UIMC1: variants seen among roughly 807,000 people sequenced by gnomAD.
UIMC1 encodes the protein BRCA1-A complex subunit RAP80.
Under a neutral mutation model 84.9 loss-of-function variants are expected in UIMC1, and 42 were observed. That is an observed-to-expected ratio of 0.49 (90% confidence interval 0.39 to 0.64). The LOEUF (loss-of-function observed/expected upper bound fraction) is 0.64. Ranked by LOEUF, UIMC1 falls within the 30% of genes least tolerant of loss-of-function variation. The pLI, the probability that UIMC1 is intolerant of heterozygous loss-of-function variation, is 0.00. For synonymous variants in UIMC1, 281 were observed against 293.0 expected (o/e 0.96, Z 0.42); for missense variants, 825 against 847.6 (o/e 0.97, Z 0.33).
intron 8 of UIMC1, among the ~76,000 whole-genome samples, chr5:176,953,493 CAT>C (rs957102592): frequency 7.0e-6 from 1 of 141,982 alleles, no homozygotes; most frequent in African/African-American, 2.8e-5. Flanking sequence ...AAACTGGACA[CAT>C]ACACACACAC....
intron 10 of UIMC1, among the ~76,000 whole-genome samples, chr5:176,920,895 A>G (rs1761622589): frequency 6.6e-6 from 1 of 152,198 alleles, no homozygotes; most frequent in Non-Finnish European, 1.5e-5. Context: ...ACCATTAAGT[A>G]TGATATTAGC....
intron 6 of UIMC1, among the ~76,000 whole-genome samples, chr5:176,968,140 A>G (rs140768677): frequency 0.011 from 1,628 of 152,212 alleles, 10 homozygotes; most frequent in South Asian, 0.025. Context: ...TTGGGAGGCC[A>G]AGGCATGCAG....
intron 1 of UIMC1, among the ~76,000 whole-genome samples, chr5:176,998,485 A>AAAAAG (rs1773966401): frequency 2.0e-5 from 3 of 150,390 alleles, no homozygotes; most frequent in Admixed American, 6.7e-5. Context: ...AAAAAAAAAA[A>AAAAAG]GTCTGGGTAC....
chr5:176,962,000 A>G (rs1440593180), intron 6 of UIMC1, among the ~76,000 whole-genome samples: 40 of 52,806 alleles, frequency 7.6e-4, no homozygotes, highest in South Asian at 1.7e-3. Context: ...TGGGGGGGTC[A>G]GCCCCCCTGC....
chr5:176,991,842 G>A (rs1056957023), intron 1 of UIMC1, among the ~76,000 whole-genome samples: 3 of 152,014 alleles, frequency 2.0e-5, no homozygotes, highest in Non-Finnish European at 2.9e-5. Context: ...TGAGGCAGGA[G>A]AATGGCGTGA....
At position 176,997,702 on chromosome 5, in the gene UIMC1, A is replaced by C. The variant is rs1412546679; in HGVS notation, c.-9+8948T>G. Among the ~76,000 whole-genome samples the C allele has an allele frequency of 3.3e-5, 5 of 151,772 alleles. 1 individual carries two copies. In the East Asian group the frequency reaches 7.7e-4, roughly 23 times the overall value. On this transcript the variant is annotated intron_variant, in intron 1 of 14. Transcript: ENST00000511320. ...TCTGTCTCAAAAAAAAAAAAAAAAA[A>C]AAACCCATTTCAATGGTTTCCCACT...
intron 1 of UIMC1, among the ~76,000 whole-genome samples, chr5:176,997,588 G>A (rs1773789547): frequency 6.6e-6 from 1 of 151,192 alleles, no homozygotes; most frequent in South Asian, 2.1e-4. Flanking sequence ...AGGAGGCTGA[G>A]GCAGGAGAAT....
intron 1 of UIMC1, among the ~76,000 whole-genome samples, chr5:177,003,033 G>A (rs1656423520): frequency 6.6e-6 from 1 of 151,892 alleles, no homozygotes; most frequent in East Asian, 1.9e-4. Flanking sequence ...TATTTGCTGA[G>A]TGAATAAAGA....
At position 176,941,376 on chromosome 5, in the gene UIMC1, G is replaced by A. The variant is rs960506048; in HGVS notation, c.1597+1959C>T. 5.9e-5 allele frequency among the ~76,000 whole-genome samples: 9 copies of A among 152,178 alleles called. No individual in the cohort carries two copies. The East Asian group carries it at 7.7e-4, about 13-fold the overall frequency. ...AGAGAGCTATATATAGCATGGTCCC[G>A]TTTATGTAAATAGTGCCTAATTTTA... On this transcript the variant is annotated intron_variant, in intron 10 of 14. Transcript: ENST00000511320.
intron 8 of UIMC1, among the ~76,000 whole-genome samples, chr5:176,951,982 C>T (rs1765941130): frequency 6.6e-6 from 1 of 152,160 alleles, no homozygotes; most frequent in Non-Finnish European, 1.5e-5. Flanking sequence ...AATTTTGTCT[C>T]TCATATAAAT....
chr5:176,963,157 T>TAAAAAAAAAAAA (rs70991588), intron 6 of UIMC1, among the ~76,000 whole-genome samples: 3 of 13,988 alleles, frequency 2.1e-4, no homozygotes, highest in Non-Finnish European at 3.3e-4. Flanking sequence ...AAAAATAAAT[T>TAAAAAAAAAAAA]AAAAAAAAAA....
At chr5:176,958,197 G>T (rs768226037) in intron 6 of UIMC1, 43 bp from the exon 7 acceptor site, 13 of 1,526,108 alleles carry the variant, frequency 8.5e-6, no homozygotes, top group Non-Finnish European at 9.0e-7. Flanking sequence ...AGGCACAGGT[G>T]AACTGGCTTC....
chr5:176,929,291 C>T (rs1042108368), intron 10 of UIMC1, among the ~76,000 whole-genome samples: 5 of 149,212 alleles, frequency 3.4e-5, no homozygotes, highest in South Asian at 2.1e-4. Context: ...TGGCTGGGTG[C>T]GGTGGCTCAT....
chr5:176,943,657 T>C (rs1764729290), intron 9 of UIMC1, among the ~76,000 whole-genome samples, 169 bp from the exon 10 acceptor site: 2 of 152,222 alleles, frequency 1.3e-5, no homozygotes, highest in South Asian at 2.1e-4. Flanking sequence ...TCAATACTTA[T>C]TCAGTGCCTT....
intron 1 of UIMC1, among the ~76,000 whole-genome samples, chr5:176,996,524 A>G (rs1773638759): frequency 1.3e-5 from 2 of 152,214 alleles, no homozygotes; most frequent in African/African-American, 4.8e-5. Flanking sequence ...AAAACAGTCA[A>G]GACAACCATT....
intron 6 of UIMC1, among the ~76,000 whole-genome samples, chr5:176,960,168 CG>C (rs1561828442): frequency 6.6e-6 from 1 of 152,110 alleles, no homozygotes; most frequent in Non-Finnish European, 1.5e-5. Context: ...AGTGAAACTT[CG>C]AGAGGTTAAA....
chr5:176,927,225 AG>A (rs370330978), intron 10 of UIMC1, among the ~76,000 whole-genome samples: 6,966 of 58,132 alleles, frequency 0.12, 457 homozygotes, highest in African/African-American at 0.29. Context: ...AAAAAAAAAA[AG>A]CACCAGTAGT....
chr5:177,020,261 G>A (rs372155492), intron 1 of UIMC1, among the ~76,000 whole-genome samples: 12 of 152,164 alleles, frequency 7.9e-5, no homozygotes, highest in African/African-American at 2.9e-4. Context: ...CTCTCTGCTA[G>A]AACACTCTTG....
chr5:176,911,653 C>T lies in UIMC1; in HGVS notation c.1598-264G>A, dbSNP rs1229458549. On this transcript the variant is annotated intron_variant, in intron 10 of 14. Transcript: ENST00000511320. ...ATGAGATCTAAAGATCTACTCCACA[C>T]CAAGAAAAGGTTTTTGTGTACTATC... Among the ~76,000 whole-genome samples, 12 of 152,184 alleles carry T rather than the reference C, an allele frequency of 7.9e-5. No individual in the cohort carries two copies. The East Asian group carries it at 2.3e-3, about 29-fold the overall frequency.
Sources: gnomAD v4.1 joint callset for allele counts (sites outside exome capture counted in the v4.1 genomes callset) on GRCh38, gnomAD v4.1.1 for gene constraint, MANE v1.5 for transcripts, NCBI Gene and HGNC (gene_info 2026-07-23, HGNC 2026-07-21) for gene names.